Variants in EXO1 observed in about 807,000 individuals in gnomAD.
EXO1 encodes the protein exonuclease 1.
In EXO1, 69 loss-of-function variants were observed where a neutral mutation model predicts 84.5. The observed-to-expected ratio is 0.82, with a 90% CI of 0.67 to 1.00. The LOEUF is 1.00. Ranked by LOEUF, EXO1 falls within the 50% of genes least tolerant of loss-of-function variation. The pLI is 0.00. For missense variants in EXO1, 1,045 were observed against 1,000.7 expected (o/e 1.04, Z -0.60); for synonymous variants, 373 against 366.1 (o/e 1.02, Z -0.21).
At position 241,872,194 on chromosome 1, in the gene EXO1, CT is replaced by C. The variant is rs1338845991; in HGVS notation, c.1431del (p.Arg478GlyfsTer43). On this transcript the variant is annotated frameshift_variant, in exon 12 of 16. Transcript: ENST00000366548. LOFTEE classifies it high-confidence loss of function. The stretch of plus-strand genomic sequence containing the variant: ...AACAAAAAGAGTGTAAGCACTCCAC[CT>C]AGGACGAGAAATAAATTTGCAACAT... ...PTNKKSVSTPPRTRNKFATFL... is the reference protein window; with the variant it reads ...PTNKKSVSTPXRTRNKFATFL... 3 of 1,613,614 alleles carry C rather than the reference CT, an allele frequency of 1.9e-6. No homozygotes were observed. The highest frequency in any genetic ancestry group is 2.5e-6 in the Non-Finnish European group (3 of 1,179,864).
At chr1:241,882,072 C>A in intron 14 of EXO1, 55 bp downstream of exon 14, 3 of 823,368 alleles carry the variant, frequency 3.6e-6, no homozygotes, top group East Asian at 2.6e-5. Flanking sequence ...ATGCTTACAA[C>A]TAGAAAATGA....
At chr1:241,859,136 T>G (rs776536336) in intron 8 of EXO1, among the ~76,000 whole-genome samples, 14 of 152,188 alleles carry the variant, frequency 9.2e-5, no homozygotes, top group Non-Finnish European at 1.9e-4. Flanking sequence ...TTTACTGAAT[T>G]AAAAATTAAA....
chr1:241,861,405 G>C lies in EXO1; in HGVS notation c.945-1G>C, dbSNP rs775916013. 2 of 1,394,272 alleles carry C rather than the reference G, an allele frequency of 1.4e-6. No homozygotes were observed. Among genetic ancestry groups the C allele is most frequent in the Non-Finnish European group, 2.0e-6 (2 of 979,412 alleles). 86.4% of individuals were successfully genotyped at this position (1,394,272 alleles called of 1,614,324 possible). A position where few individuals can be genotyped will look rare whatever the true frequency, so the allele number is the denominator to read the frequency against. ...ATTTTTCCTTAATCTTGCTAATCTA[G>C]ATATGTTGATGATTCCATAGCTCTT... On this transcript the variant is annotated splice_acceptor_variant, in intron 9 of 15. Coordinates refer to ENST00000366548, the MANE Select transcript of EXO1 (RefSeq NM_130398.4). LOFTEE classifies it high-confidence loss of function.
In EXO1 at chr1:241,857,461, C is replaced by T; in HGVS notation, c.522C>T (p.Leu174=). 2 of 1,613,810 alleles carry T rather than the reference C, an allele frequency of 1.2e-6. No homozygotes were observed. The highest frequency in any genetic ancestry group is 1.3e-5 in the African/African-American group (1 of 74,980). ...CCATAATTACAGAGGACTCGGATCT[C>T]CTAGCTTTTGGCTGTAAAAAGGTAC... ...VQAIITEDSD[L]LAFGCKKVIL... The change falls in exon 7 of 16, where the codon CTC becomes CTT. Residue 174 remains leucine (L), a synonymous_variant. Coordinates refer to ENST00000366548, the MANE Select transcript of EXO1 (RefSeq NM_130398.4).
chr1:241,865,447 G>A lies in EXO1; in HGVS notation c.1042-1383G>A, dbSNP rs4149939. On this transcript the variant is annotated intron_variant, in intron 10 of 15. Coordinates refer to ENST00000366548, the MANE Select transcript of EXO1 (RefSeq NM_130398.4). ...GCTGGTCTCAAACTCCTGACCTCAG[G>A]TGATCCACCTGCCTCAGCCTCCCAA... Among the ~76,000 whole-genome samples, 1,279 of 151,476 alleles carry A rather than the reference G, an allele frequency of 8.4e-3. 7 individuals are homozygous for A. Among genetic ancestry groups the A allele is most frequent in the Non-Finnish European group, 0.013 (863 of 67,850 alleles).
At chr1:241,879,437 G>A (rs574621120) in intron 13 of EXO1, 94 bp downstream of exon 13, 2 of 710,862 alleles carry the variant, frequency 2.8e-6, no homozygotes, top group Admixed American at 5.2e-5. Context: ...ACATGTGAAT[G>A]ACGAGCTATA....
At chr1:241,854,892 G>A (rs1472739109) in intron 6 of EXO1, 2 of 153,510 alleles carry the variant, frequency 1.3e-5, no homozygotes, top group East Asian at 3.8e-4. Context: ...TGGCTCAGAA[G>A]TGAAGCTGCA....
In EXO1 at chr1:241,872,138, G is replaced by A. The variant is rs142814665; in HGVS notation, c.1374G>A (p.Val458=). 5.8e-5 allele frequency: 93 copies of A among 1,614,010 alleles called. 1 individual carries two copies. In the Admixed American group the frequency reaches 7.7e-4, roughly 13 times the overall value. ...ATAAATCATTGAGCTTTTCTGAAGT[G>A]TTTGTGCCTGACCTGGTAAATGGAC... is the stretch of plus-strand genomic sequence containing the variant. The part of the protein sequence containing the change: ...EGNKSLSFSE[V]FVPDLVNGPT... Residue 458 remains valine, a synonymous_variant, in exon 12 of 16, where the codon GTG becomes GTA. Coordinates refer to ENST00000366548, the MANE Select transcript of EXO1 (RefSeq NM_130398.4).
At chr1:241,889,443 T>A in intron 15 of EXO1, 22 bp from the exon 16 acceptor site, 1 of 1,603,006 alleles carries the variant, frequency 6.2e-7, no homozygotes. Context: ...AAATACCAAA[T>A]GTATTTTATT....
At chr1:241,871,740 C>T (rs187401294) in intron 11 of EXO1, among the ~76,000 whole-genome samples, 2 of 152,194 alleles carry the variant, frequency 1.3e-5, no homozygotes, top group Non-Finnish European at 2.9e-5. Flanking sequence ...ATAATGAATA[C>T]ATCGCCACAC....
chr1:241,852,074 C>T (rs1266638813), intron 4 of EXO1, among the ~76,000 whole-genome samples: 1 of 152,124 alleles, frequency 6.6e-6, no homozygotes, highest in African/African-American at 2.4e-5. Flanking sequence ...CTTGGAGGGT[C>T]AAGTAGTTCA....
At chr1:241,887,938 C>A (rs902093442) in intron 15 of EXO1, among the ~76,000 whole-genome samples, 2 of 152,094 alleles carry the variant, frequency 1.3e-5, no homozygotes, top group Non-Finnish European at 2.9e-5. Flanking sequence ...CACGCCTGGC[C>A]CCTTTTTGTT....
At chr1:241,852,518 A>G (rs2526704) in intron 5 of EXO1, 107 bp downstream of exon 5, 597,274 of 988,920 alleles carry the variant, frequency 0.6, 185,187 homozygotes, top group African/African-American at 0.81. Context: ...AGTGGCTTGC[A>G]CCTGTTGTCC....
rs1663270191 is a variant in EXO1, at chr1:241,889,625, C to T, written c.*25C>T. 1 of 1,612,366 alleles carries T rather than the reference C, an allele frequency of 6.2e-7. No homozygotes were observed. On this transcript the variant is annotated 3_prime_UTR_variant, in exon 16 of 16. Transcript: ENST00000366548. ...AATGCAGACTGCTGCAAAGCTTTTG[C>T]CTGCAAGAGAATCTGATCAATTTGA... is the stretch of plus-strand genomic sequence containing the variant.
chr1:241,882,507 G>A (rs1631303), intron 14 of EXO1, among the ~76,000 whole-genome samples: 148,050 of 152,282 alleles, frequency 0.97, 72,114 homozygotes, highest in East Asian at 1. Flanking sequence ...TAGGTTTGTT[G>A]AATCAAAATA....
intron 15 of EXO1, among the ~76,000 whole-genome samples, chr1:241,886,485 T>C (rs1285050617): frequency 6.6e-6 from 1 of 152,194 alleles, no homozygotes; most frequent in African/African-American, 2.4e-5. Context: ...AGTAGAAATA[T>C]TGTCATAGAT....
intron 11 of EXO1, among the ~76,000 whole-genome samples, chr1:241,869,137 T>A (rs182133023): frequency 4.7e-4 from 71 of 152,350 alleles, no homozygotes; most frequent in African/African-American, 1.7e-3. Context: ...GATTTCAAGA[T>A]TATACTGCCT....
In EXO1 at chr1:241,861,508, G is replaced by A. The variant is rs367673354; in HGVS notation, c.1041+6G>A. 1.2e-5 allele frequency: 17 copies of A among 1,461,538 alleles called. No individual in the cohort carries two copies. The highest frequency in any genetic ancestry group is 3.4e-5 in the South Asian group (3 of 88,044). The allele number at this position is 1,461,538 out of a possible 1,614,324, so 90.5% of individuals were successfully genotyped here. A position where few individuals can be genotyped will look rare whatever the true frequency, so the allele number is the denominator to read the frequency against. On this transcript the variant is annotated splice_donor_region_variant and intron_variant, in intron 10 of 15. Transcript: ENST00000366548. ...ACAATCCAGACACTGCTATGGTAAC[G>A]TTTTGATGACCACCCTATGAAAACA...
At chr1:241,865,757 T>C (rs1446099321) in intron 10 of EXO1, among the ~76,000 whole-genome samples, 3 of 152,216 alleles carry the variant, frequency 2.0e-5, no homozygotes, top group East Asian at 3.8e-4. Context: ...GGTTTTCTAC[T>C]TGTCTATTTC....
Sources: gnomAD v4.1 joint callset for allele counts (sites outside exome capture counted in the v4.1 genomes callset) on GRCh38, gnomAD v4.1.1 for gene constraint, MANE v1.5 for transcripts, NCBI Gene and HGNC (gene_info 2026-07-23, HGNC 2026-07-21) for gene names.